IMMP2L: variants seen among roughly 807,000 people sequenced by gnomAD.
IMMP2L encodes inner mitochondrial membrane peptidase subunit 2.
Under a neutral mutation model 19.3 loss-of-function variants are expected in IMMP2L, and 18 were observed. That is an observed-to-expected ratio of 0.93 (90% confidence interval 0.64 to 1.38). IMMP2L has a LOEUF of 1.38. IMMP2L is among the 40% of genes most tolerant of loss of function. The pLI is 0.00. For missense variants in IMMP2L, 233 were observed against 218.2 expected (o/e 1.07, Z -0.43); for synonymous variants, 76 against 73.0 (o/e 1.04, Z -0.21).
intron 3 of IMMP2L, among the ~76,000 whole-genome samples, chr7:111,421,267 CTTTTTTTTTT>C (rs1227013257): frequency 0.098 from 12,007 of 122,918 alleles, 694 homozygotes; most frequent in African/African-American, 0.14. Context: ...TTGTTTTTTT[CTTTTTTTTTT>C]TTTTTTTTTT....
chr7:110,914,604 A>G (rs1174440602), intron 4 of IMMP2L, among the ~76,000 whole-genome samples: 1 of 152,140 alleles, frequency 6.6e-6, no homozygotes, highest in African/African-American at 2.4e-5. Flanking sequence ...TGATTTCATC[A>G]TTCTTCTACC....
intron 4 of IMMP2L, among the ~76,000 whole-genome samples, chr7:110,914,119 C>T (rs760020438): frequency 6.6e-6 from 1 of 152,168 alleles, no homozygotes; most frequent in African/African-American, 2.4e-5. Flanking sequence ...TCCTGGACCA[C>T]GTCCGCATCT....
At chr7:111,173,837 C>A (rs1402297305) in intron 3 of IMMP2L, among the ~76,000 whole-genome samples, 1 of 151,672 alleles carries the variant, frequency 6.6e-6, no homozygotes, top group African/African-American at 2.4e-5. Flanking sequence ...AGCTTACCAT[C>A]ATTGTAACAT....
chr7:111,528,059 GCCATTCATACATGAA>G (rs1231245945), intron 1 of IMMP2L, among the ~76,000 whole-genome samples: 8 of 152,040 alleles, frequency 5.3e-5, no homozygotes, highest in African/African-American at 1.9e-4. Flanking sequence ...TACTAAAGAA[GCCATTCATACATGAA>G]GAAATGAACA....
At chr7:111,304,573 T>C (rs910837062) in intron 3 of IMMP2L, among the ~76,000 whole-genome samples, 4 of 151,902 alleles carry the variant, frequency 2.6e-5, no homozygotes, top group Non-Finnish European at 2.9e-5. Flanking sequence ...ATATGTATAG[T>C]GTGTATATAA....
At chr7:110,847,213 A>G (rs983166957) in intron 5 of IMMP2L, among the ~76,000 whole-genome samples, 3 of 152,200 alleles carry the variant, frequency 2.0e-5, no homozygotes, top group Admixed American at 1.3e-4. Context: ...GGACTATTTC[A>G]ATAAGTTTTA....
intron 2 of IMMP2L, among the ~76,000 whole-genome samples, chr7:111,509,369 T>C (rs1214132607): frequency 6.6e-6 from 1 of 152,178 alleles, no homozygotes; most frequent in Non-Finnish European, 1.5e-5. Context: ...TCCTTATCCT[T>C]CGTGTTGCAC....
intron 5 of IMMP2L, among the ~76,000 whole-genome samples, chr7:110,668,255 G>C (rs1382665772): frequency 6.6e-6 from 1 of 152,078 alleles, no homozygotes; most frequent in Non-Finnish European, 1.5e-5. Flanking sequence ...ATGTATTCCA[G>C]AACATCCTAA....
intron 3 of IMMP2L, among the ~76,000 whole-genome samples, chr7:111,106,755 T>A (rs1342724277): frequency 1.3e-5 from 2 of 149,862 alleles, no homozygotes; most frequent in Admixed American, 6.7e-5. Flanking sequence ...AGTACCTGAC[T>A]ATACTGTATA....
At chr7:110,856,173 T>C (rs1806741146) in intron 5 of IMMP2L, among the ~76,000 whole-genome samples, 2 of 152,036 alleles carry the variant, frequency 1.3e-5, no homozygotes, top group South Asian at 4.1e-4. Context: ...GTAAGAATTA[T>C]ATCAAAATTA....
chr7:111,275,809 A>C (rs1262822573), intron 3 of IMMP2L, among the ~76,000 whole-genome samples: 2 of 152,044 alleles, frequency 1.3e-5, no homozygotes, highest in African/African-American at 4.8e-5. Context: ...GCTATTGTAA[A>C]TGGGATTGTC....
chr7:111,541,982 A>G, intron 1 of IMMP2L, among the ~76,000 whole-genome samples: 1 of 152,172 alleles, frequency 6.6e-6, no homozygotes, highest in Non-Finnish European at 1.5e-5. Context: ...TAAAAGTGAG[A>G]CGTAGGTAAC....
chr7:111,054,131 A>G (rs1793267913), intron 3 of IMMP2L, among the ~76,000 whole-genome samples: 1 of 152,212 alleles, frequency 6.6e-6, no homozygotes, highest in African/African-American at 2.4e-5. Flanking sequence ...ACATATTTTT[A>G]AGAGTGTACT....
chr7:110,676,250 G>A (rs560522486), intron 5 of IMMP2L, among the ~76,000 whole-genome samples: 171 of 152,210 alleles, frequency 1.1e-3, no homozygotes, highest in Non-Finnish European at 2.0e-3. Flanking sequence ...ACAGTAAATA[G>A]TTTAGGCTTA....
At chr7:110,861,098 T>TGTGAGA (rs780880935) in intron 5 of IMMP2L, among the ~76,000 whole-genome samples, 10 of 141,726 alleles carry the variant, frequency 7.1e-5, no homozygotes, top group East Asian at 4.2e-4. Flanking sequence ...TGTGTGTGTG[T>TGTGAGA]GAGAGAGAGA....
chr7:111,112,193 C>G (rs973813941), intron 3 of IMMP2L, among the ~76,000 whole-genome samples: 1 of 151,894 alleles, frequency 6.6e-6, no homozygotes, highest in Non-Finnish European at 1.5e-5. Context: ...GAACTCCTGA[C>G]CTCAGGTATA....
chr7:111,424,443 C>T lies in IMMP2L; in HGVS notation c.239+62795G>A, dbSNP rs947186275. On this transcript the variant is annotated intron_variant, in intron 3 of 5. Transcript: ENST00000405709. ...GAGACTACAAGTAATTAACAGACTG[C>T]GAGGGCCAGTGTCCCAGACTAAGCC... is the stretch of plus-strand genomic sequence containing the variant. 2.0e-5 allele frequency among the ~76,000 whole-genome samples: 3 copies of T among 151,694 alleles called. No individual in the cohort carries two copies. In the East Asian group the frequency reaches 5.8e-4, roughly 29 times the overall value.
At chr7:110,702,171 G>C (rs565875249) in intron 5 of IMMP2L, among the ~76,000 whole-genome samples, 7 of 152,006 alleles carry the variant, frequency 4.6e-5, no homozygotes, top group African/African-American at 1.4e-4. Context: ...CTGGACTCAA[G>C]TGATCCACCT....
intron 5 of IMMP2L, among the ~76,000 whole-genome samples, chr7:110,665,170 T>G (rs1403893386): frequency 6.6e-6 from 1 of 152,206 alleles, no homozygotes; most frequent in African/African-American, 2.4e-5. Context: ...CTTGTTATTT[T>G]GAAAATCAGA....
Sources: gnomAD v4.1 joint callset for allele counts (sites outside exome capture counted in the v4.1 genomes callset) on GRCh38, gnomAD v4.1.1 for gene constraint, MANE v1.5 for transcripts, NCBI Gene and HGNC (gene_info 2026-07-23, HGNC 2026-07-21) for gene names.